Variants in PCDH11X observed in about 807,000 individuals in gnomAD.
PCDH11X encodes the protein protocadherin 11 X-linked, also known as protocadherin-11 X-linked.
PCDH11X carries 18 observed loss-of-function variants against 53.3 expected under a neutral mutation model. That is an observed-to-expected ratio of 0.34 (90% CI 0.23 to 0.50). The LOEUF (loss-of-function observed/expected upper bound fraction) is 0.50. Among genes scored for constraint, PCDH11X ranks in the 20% least tolerant of loss-of-function variants. PCDH11X has a pLI of 0.98. For synonymous variants in PCDH11X, 279 were observed against 393.3 expected (o/e 0.71, Z 3.44); for missense variants, 570 against 1,032.4 (o/e 0.55, Z 6.14).
At chrX:92,589,035 C>T (rs186290606) in intron 10 of PCDH11X, among the ~76,000 whole-genome samples, 25 of 111,156 alleles carry the variant, frequency 2.2e-4, no homozygotes, top group South Asian at 1.1e-3. Context: ...TAACAGGAAA[C>T]AAAACAAAAC....
chrX:92,058,946 C>T (rs749976498), intron 6 of PCDH11X, among the ~76,000 whole-genome samples: 47 of 111,122 alleles, frequency 4.2e-4, no homozygotes, highest in Non-Finnish European at 7.8e-4. Context: ...TTAACAGTGG[C>T]AGGTTGTTGC....
chrX:92,213,174 T>C (rs2066623242), intron 7 of PCDH11X, among the ~76,000 whole-genome samples: 1 of 111,943 alleles, frequency 8.9e-6, no homozygotes, highest in African/African-American at 3.2e-5. Context: ...AAGTGCAGGG[T>C]TTTATTTTTA....
At chrX:92,562,433 C>T (rs750296158) in intron 10 of PCDH11X, among the ~76,000 whole-genome samples, 49 of 100,798 alleles carry the variant, frequency 4.9e-4, no homozygotes, top group Admixed American at 1.6e-3. Flanking sequence ...TCCAATAATC[C>T]CACAAAGTCT....
intron 6 of PCDH11X, among the ~76,000 whole-genome samples, chrX:91,971,813 A>AT (rs397895079): frequency 4.5e-5 from 5 of 110,945 alleles, no homozygotes; most frequent in South Asian, 3.8e-4. Context: ...TTCTGGGATA[A>AT]TTTTTTTTAT....
At chrX:91,975,266 A>G (rs1179320577) in intron 6 of PCDH11X, among the ~76,000 whole-genome samples, 1 of 112,096 alleles carries the variant, frequency 8.9e-6, no homozygotes, top group South Asian at 3.7e-4. Context: ...GTGAAATGTA[A>G]GAAAAATAGA....
chrX:91,870,105 G>A (rs142699777), intron 5 of PCDH11X, among the ~76,000 whole-genome samples: 1,880 of 111,397 alleles, frequency 0.017, 18 homozygotes, highest in Non-Finnish European at 0.024. Flanking sequence ...GGGAAGAATA[G>A]ACTAAAAAAA....
intron 8 of PCDH11X, among the ~76,000 whole-genome samples, chrX:92,303,644 A>G (rs1002231449): frequency 8.9e-6 from 1 of 111,977 alleles, no homozygotes; most frequent in Non-Finnish European, 1.9e-5. Context: ...ACCTGCAACT[A>G]TGTGTTTAAA....
At chrX:92,272,058 A>C (rs1457435372) in intron 8 of PCDH11X, among the ~76,000 whole-genome samples, 1 of 111,753 alleles carries the variant, frequency 8.9e-6, no homozygotes, top group African/African-American at 3.2e-5. Flanking sequence ...CTGGATGTAA[A>C]AGTGGATGGA....
intron 6 of PCDH11X, among the ~76,000 whole-genome samples, chrX:92,001,041 G>A (rs1268051930): frequency 1.0e-5 from 1 of 100,304 alleles, no homozygotes; most frequent in African/African-American, 3.7e-5. Flanking sequence ...ATAAACATAC[G>A]AGTGCAGAAA....
intron 1 of PCDH11X, among the ~76,000 whole-genome samples, chrX:91,791,321 G>C (rs1289571329): frequency 9.0e-6 from 1 of 110,600 alleles, no homozygotes; most frequent in Non-Finnish European, 1.9e-5. Context: ...TCTACAGGCT[G>C]TATAGGAAGC....
chrX:91,850,426 C>T (rs1360656815), intron 5 of PCDH11X, among the ~76,000 whole-genome samples: 1 of 111,093 alleles, frequency 9.0e-6, no homozygotes, highest in African/African-American at 3.3e-5. Context: ...CTGTGGATAC[C>T]TACAATTTTA....
At chrX:92,433,783 A>C (rs2072306174) in intron 9 of PCDH11X, among the ~76,000 whole-genome samples, 1 of 111,580 alleles carries the variant, frequency 9.0e-6, no homozygotes. Flanking sequence ...TTACTTGAAC[A>C]GTAATGATAA....
intron 10 of PCDH11X, among the ~76,000 whole-genome samples, chrX:92,549,869 T>A (rs2074925231): frequency 8.9e-6 from 1 of 111,769 alleles, no homozygotes; most frequent in Non-Finnish European, 1.9e-5. Flanking sequence ...GATGCTTTGA[T>A]ACATACAATG....
intron 6 of PCDH11X, among the ~76,000 whole-genome samples, chrX:92,112,577 A>G (rs2064543061): frequency 9.1e-6 from 1 of 109,650 alleles, no homozygotes. Context: ...TTTTCTTATG[A>G]CAATTTGATA....
intron 6 of PCDH11X, among the ~76,000 whole-genome samples, chrX:92,085,614 C>CA (rs57885903): frequency 0.039 from 3,661 of 93,970 alleles, 124 homozygotes; most frequent in African/African-American, 0.11. Flanking sequence ...ATTATAGAAG[C>CA]AAAAAAAAAA....
intron 6 of PCDH11X, among the ~76,000 whole-genome samples, chrX:92,068,462 G>T (rs1036714322): frequency 5.5e-5 from 6 of 108,276 alleles, no homozygotes; most frequent in Non-Finnish European, 1.1e-4. Flanking sequence ...TAGTTTCCAT[G>T]TGTTTTTATA....
chrX:92,501,757 C>G (rs1169760384), intron 10 of PCDH11X, among the ~76,000 whole-genome samples: 2 of 111,292 alleles, frequency 1.8e-5, no homozygotes, highest in Non-Finnish European at 3.8e-5. Context: ...AACCCACAGC[C>G]AATATCATAC....
At chrX:91,853,708 G>A (rs1938165706) in intron 5 of PCDH11X, among the ~76,000 whole-genome samples, 1 of 110,580 alleles carries the variant, frequency 9.0e-6, no homozygotes, top group Admixed American at 9.6e-5. Flanking sequence ...ATATGAATGA[G>A]ACACAAAAGT....
At chrX:92,367,432 G>A (rs1387070177) in intron 8 of PCDH11X, among the ~76,000 whole-genome samples, 1 of 111,065 alleles carries the variant, frequency 9.0e-6, no homozygotes, top group Non-Finnish European at 1.9e-5. Context: ...ACACCAATGG[G>A]TCTTGACTCT....
Sources: gnomAD v4.1 joint callset for allele counts (sites outside exome capture counted in the v4.1 genomes callset) on GRCh38, gnomAD v4.1.1 for gene constraint, MANE v1.5 for transcripts, NCBI Gene and HGNC (gene_info 2026-07-23, HGNC 2026-07-21) for gene names.